Variants in ROBO1 observed in about 807,000 individuals in gnomAD.
ROBO1 encodes the protein roundabout guidance receptor 1.
ROBO1 carries 149 observed loss-of-function variants against 195.9 expected under a neutral mutation model. That is an observed-to-expected ratio of 0.76 (90% CI 0.67 to 0.87). The LOEUF (loss-of-function observed/expected upper bound fraction) is 0.87, where lower values mean the gene tolerates loss of function less well. Ranked by LOEUF, ROBO1 falls within the 40% of genes least tolerant of loss-of-function variation. The pLI is 0.00. For synonymous variants in ROBO1, 816 were observed against 733.2 expected, an observed-to-expected ratio of 1.11 and a Z score of -1.82; for missense variants, 1,933 against 2,068.3, an observed-to-expected ratio of 0.93 and a Z score of 1.27.
Position 79,232,260 on chromosome 3 carries a change from A to ATAT in ROBO1, c.89-106722_89-106721insATA, listed in dbSNP as rs201271845. Among the ~76,000 whole-genome samples the ATAT allele has an allele frequency of 7.1e-3, 1,052 of 147,402 alleles. 12 individuals are homozygous for ATAT. The highest frequency in any genetic ancestry group is 0.025 in the African/African-American group (1,001 of 39,998). On this transcript the variant is annotated intron_variant, in intron 2 of 30. Transcript: ENST00000464233. ...TCCTCCTTGATTTAAAAAAAAAAAA[A>ATAT]ATATATATATATAAAATCTCTCTGC... is the stretch of plus-strand genomic sequence containing the variant.
intron 2 of ROBO1, among the ~76,000 whole-genome samples, chr3:79,549,228 A>G (rs1275422715): frequency 6.6e-6 from 1 of 152,226 alleles, no homozygotes; most frequent in East Asian, 1.9e-4. Context: ...TCAGATAGAA[A>G]AACAATGGGA....
At chr3:79,148,330 T>C (rs2080695966) in intron 2 of ROBO1, among the ~76,000 whole-genome samples, 1 of 151,782 alleles carries the variant, frequency 6.6e-6, no homozygotes, top group Admixed American at 6.6e-5. Flanking sequence ...ATAAAAAGTA[T>C]ACCATTTAAA....
At chr3:79,607,000 G>T (rs1313839572) in intron 1 of ROBO1, among the ~76,000 whole-genome samples, 1 of 151,524 alleles carries the variant, frequency 6.6e-6, no homozygotes, top group East Asian at 1.9e-4. Flanking sequence ...TCCTTACTGA[G>T]ATTTCCGATA....
chr3:79,750,725 T>C (rs539188909), intron 1 of ROBO1, among the ~76,000 whole-genome samples: 2 of 152,298 alleles, frequency 1.3e-5, no homozygotes, highest in South Asian at 4.1e-4. Context: ...TCCATCATGA[T>C]TGTGAGGCTT....
intron 4 of ROBO1, among the ~76,000 whole-genome samples, chr3:78,804,968 G>C (rs2084490871): frequency 1.3e-5 from 2 of 152,002 alleles, no homozygotes; most frequent in South Asian, 4.2e-4. Context: ...AATCTCCCTT[G>C]GTCACAAGAG....
chr3:79,728,185 T>C (rs1227527444), intron 1 of ROBO1, among the ~76,000 whole-genome samples: 1 of 152,078 alleles, frequency 6.6e-6, no homozygotes, highest in East Asian at 1.9e-4. Flanking sequence ...CTAAAGACTG[T>C]ACTTTTTTTA....
intron 2 of ROBO1, among the ~76,000 whole-genome samples, chr3:79,248,885 T>TCC (rs2082672577): frequency 6.6e-6 from 1 of 152,152 alleles, no homozygotes; most frequent in African/African-American, 2.4e-5. Flanking sequence ...TTCTGTTCCA[T>TCC]TCACTGAGGG....
chr3:79,065,313 A>G (rs1002584238), intron 3 of ROBO1, among the ~76,000 whole-genome samples: 16 of 151,986 alleles, frequency 1.1e-4, no homozygotes, highest in Admixed American at 1.1e-3. Flanking sequence ...TAAGGAAGAG[A>G]GGAGACACAG....
At chr3:78,699,941 T>A (rs947401111) in intron 8 of ROBO1, among the ~76,000 whole-genome samples, 2 of 152,190 alleles carry the variant, frequency 1.3e-5, no homozygotes, top group African/African-American at 4.8e-5. Context: ...CTAAATCATA[T>A]CAGAATGCTA....
Position 78,651,768 on chromosome 3 carries a change from T to G in ROBO1, c.2776A>C (p.Asn926His), listed in dbSNP as rs774606628. 3 of 1,613,436 alleles carry G rather than the reference T, an allele frequency of 1.9e-6. No individual in the cohort carries two copies. Among genetic ancestry groups the G allele is most frequent in the Admixed American group, 3.3e-5 (2 of 59,940 alleles). ...IWLYRHRKKR[N>H]GLTSTYAGIR... ...CCCGCGTAGGTACTAGTAAGTCCGT[T>G]TCTCTTCTTGCGGTGTCGATAAAGC... Residue 926 changes from asparagine to histidine, a missense_variant, in exon 19 of 31, where the codon AAC (asparagine) becomes CAC (histidine). By Grantham distance (68) the Asn-to-His change is moderately conservative. Coordinates refer to ENST00000464233, the MANE Select transcript of ROBO1 (RefSeq NM_002941.4).
At chr3:79,156,280 T>C (rs944826181) in intron 2 of ROBO1, among the ~76,000 whole-genome samples, 2 of 150,554 alleles carry the variant, frequency 1.3e-5, no homozygotes, top group Non-Finnish European at 3.0e-5. Context: ...GATCAGAAGG[T>C]TTTGGTAATA....
At chr3:79,004,085 C>A (rs72910265) in intron 3 of ROBO1, among the ~76,000 whole-genome samples, 1,645 of 152,266 alleles carry the variant, frequency 0.011, 31 homozygotes, top group African/African-American at 0.034. Context: ...AAGTCCTTAG[C>A]AACCTATTTT....
chr3:78,615,514 A>T (rs1159156048), intron 27 of ROBO1, among the ~76,000 whole-genome samples: 1 of 152,176 alleles, frequency 6.6e-6, no homozygotes, highest in Non-Finnish European at 1.5e-5. Context: ...GAATTTACTA[A>T]TTAGACATGG....
chr3:78,963,494 G>GTT (rs750158094), intron 3 of ROBO1, among the ~76,000 whole-genome samples: 2,291 of 72,124 alleles, frequency 0.032, 445 homozygotes, highest in South Asian at 0.057. Context: ...AAAACCTTCA[G>GTT]TTTTTTTTTT....
chr3:79,233,791 AT>A (rs2082359973), intron 2 of ROBO1, among the ~76,000 whole-genome samples: 1 of 152,168 alleles, frequency 6.6e-6, no homozygotes, highest in African/African-American at 2.4e-5. Context: ...GGCTGAACTA[AT>A]TTACATTACC....
intron 4 of ROBO1, among the ~76,000 whole-genome samples, chr3:78,936,107 C>A (rs749271748): frequency 1.1e-4 from 16 of 151,844 alleles, no homozygotes; most frequent in Non-Finnish European, 1.5e-4. Context: ...AATAGAATAA[C>A]TTTGGTGCAT....
chr3:78,781,837 T>A (rs1253288806), intron 4 of ROBO1, among the ~76,000 whole-genome samples: 2 of 152,204 alleles, frequency 1.3e-5, no homozygotes, highest in Admixed American at 1.3e-4. Context: ...ATGTTTAAAA[T>A]ATACATAATA....
chr3:79,334,527 T>C (rs1267250343), intron 2 of ROBO1, among the ~76,000 whole-genome samples: 1 of 151,714 alleles, frequency 6.6e-6, no homozygotes, highest in Non-Finnish European at 1.5e-5. Flanking sequence ...ATAGTAGATG[T>C]TCGATAAACT....
At chr3:79,366,761 G>C (rs771184486) in intron 2 of ROBO1, among the ~76,000 whole-genome samples, 1 of 152,096 alleles carries the variant, frequency 6.6e-6, no homozygotes, top group South Asian at 2.1e-4. Context: ...TCCTCTCGAC[G>C]TTCACTTCCC....
Sources: allele counts gnomAD v4.1 joint callset (sites outside exome capture counted in the v4.1 genomes callset), GRCh38; gene constraint gnomAD v4.1.1; transcripts MANE v1.5; gene names NCBI Gene and HGNC (gene_info 2026-07-23, HGNC 2026-07-21).